The following PDE4D variants were observed in gnomAD, a reference collection of about 807,000 sequenced individuals.
PDE4D encodes 3',5'-cyclic-AMP phosphodiesterase 4D.
PDE4D carries 24 observed loss-of-function variants against 87.4 expected under a neutral mutation model. The observed-to-expected ratio is 0.27, with a 90% CI of 0.20 to 0.39. The LOEUF (loss-of-function observed/expected upper bound fraction) is 0.39, where lower values mean the gene tolerates loss of function less well. Ranked by LOEUF, PDE4D falls within the 10% of genes least tolerant of loss-of-function variation. PDE4D has a pLI of 1.00. For synonymous variants in PDE4D, 384 were observed against 383.2 expected, an observed-to-expected ratio of 1.00 and a Z score of -0.02; for missense variants, 714 against 1,041.0, an observed-to-expected ratio of 0.69 and a Z score of 4.32.
intron 1 of PDE4D, among the ~76,000 whole-genome samples, chr5:59,370,190 C>T (rs571909810): frequency 2.0e-5 from 3 of 152,286 alleles, no homozygotes; most frequent in African/African-American, 7.2e-5. Flanking sequence ...CTTGCTCCTA[C>T]TCTATTCTTC....
chr5:60,202,117 T>C (rs1741986345), intron 1 of PDE4D, among the ~76,000 whole-genome samples: 1 of 152,230 alleles, frequency 6.6e-6, no homozygotes, highest in Non-Finnish European at 1.5e-5. Flanking sequence ...GCACTATATA[T>C]GCCAGATGCT....
intron 1 of PDE4D, among the ~76,000 whole-genome samples, chr5:60,353,878 C>G (rs1460101994): frequency 6.6e-6 from 1 of 152,160 alleles, no homozygotes; most frequent in Non-Finnish European, 1.5e-5. Context: ...CAATTTCCAT[C>G]TCCTAGAGCA....
chr5:60,374,880 T>C (rs903303499), intron 1 of PDE4D, among the ~76,000 whole-genome samples: 2 of 152,198 alleles, frequency 1.3e-5, no homozygotes, highest in Middle Eastern at 3.2e-3. Context: ...TATACATATA[T>C]ATGTATACGT....
chr5:59,678,720 C>A (rs1748523572), intron 1 of PDE4D, among the ~76,000 whole-genome samples: 1 of 152,166 alleles, frequency 6.6e-6, no homozygotes, highest in Non-Finnish European at 1.5e-5. Context: ...CTTGGCCTCC[C>A]AAAGTGCTGG....
chr5:59,940,438 T>A (rs1440725075), intron 3 of PDE4D, among the ~76,000 whole-genome samples: 1 of 152,098 alleles, frequency 6.6e-6, no homozygotes, highest in African/African-American at 2.4e-5. Context: ...ACTACAGTAC[T>A]GGTGGTGGAG....
At chr5:59,753,424 A>AG (rs1165038078) in intron 1 of PDE4D, among the ~76,000 whole-genome samples, 2 of 152,164 alleles carry the variant, frequency 1.3e-5, no homozygotes, top group Non-Finnish European at 2.9e-5. Flanking sequence ...AAAATCAAAA[A>AG]GGGGGGCACA....
At chr5:59,093,562 G>A (rs566342948) in intron 5 of PDE4D, among the ~76,000 whole-genome samples, 2 of 152,272 alleles carry the variant, frequency 1.3e-5, no homozygotes, top group African/African-American at 4.8e-5. Context: ...ATGACCTTGG[G>A]GAAACATTTC....
intron 1 of PDE4D, among the ~76,000 whole-genome samples, chr5:59,535,320 C>T (rs1814998743): frequency 6.6e-6 from 1 of 152,064 alleles, no homozygotes; most frequent in African/African-American, 2.4e-5. Flanking sequence ...GGGTGTCTGG[C>T]CCAGGCATCA....
intron 1 of PDE4D, among the ~76,000 whole-genome samples, chr5:59,837,175 T>C (rs1168843235): frequency 2.0e-5 from 3 of 152,206 alleles, no homozygotes; most frequent in South Asian, 2.1e-4. Flanking sequence ...ATGTGTAAAC[T>C]GTCTATTCAG....
At chr5:60,060,302 C>T (rs1370859782) in intron 2 of PDE4D, among the ~76,000 whole-genome samples, 1 of 152,048 alleles carries the variant, frequency 6.6e-6, no homozygotes, top group African/African-American at 2.4e-5. Context: ...GATTTATCCT[C>T]TTCCATCTAT....
At chr5:59,333,470 T>C (rs1235143651) in intron 1 of PDE4D, among the ~76,000 whole-genome samples, 1 of 152,178 alleles carries the variant, frequency 6.6e-6, no homozygotes, top group Non-Finnish European at 1.5e-5. Context: ...TGGCATAGCA[T>C]GTCAAGGTCC....
At chr5:58,993,299 C>T in intron 7 of PDE4D, 73 bp downstream of exon 7, 2 of 817,870 alleles carry the variant, frequency 2.4e-6, no homozygotes, top group Non-Finnish European at 3.9e-6. Flanking sequence ...TGAGTTGGCA[C>T]CCCAATCCTC....
chr5:60,193,058 G>A (rs1011180509), intron 1 of PDE4D, among the ~76,000 whole-genome samples: 2 of 152,042 alleles, frequency 1.3e-5, no homozygotes, highest in African/African-American at 4.8e-5. Flanking sequence ...CTAAAATTAA[G>A]TTCTCTCTTC....
chr5:60,005,607 A>G (rs182116698), intron 2 of PDE4D, among the ~76,000 whole-genome samples: 4 of 152,148 alleles, frequency 2.6e-5, no homozygotes, highest in African/African-American at 9.6e-5. Flanking sequence ...GTCTACCTCA[A>G]ATATATACAA....
intron 3 of PDE4D, among the ~76,000 whole-genome samples, chr5:59,946,392 A>C (rs1757726857): frequency 6.6e-6 from 1 of 152,210 alleles, no homozygotes; most frequent in Non-Finnish European, 1.5e-5. Context: ...GTCGGGAATT[A>C]GTTTGTCTTC....
intron 1 of PDE4D, among the ~76,000 whole-genome samples, chr5:60,446,193 A>C (rs1388681597): frequency 6.6e-6 from 1 of 152,166 alleles, no homozygotes; most frequent in African/African-American, 2.4e-5. Context: ...TGGTAGGAGA[A>C]TAAACTGAAG....
At chr5:60,357,991 T>C (rs1759758319) in intron 1 of PDE4D, among the ~76,000 whole-genome samples, 1 of 152,194 alleles carries the variant, frequency 6.6e-6, no homozygotes, top group South Asian at 2.1e-4. Flanking sequence ...TAATCTTCAC[T>C]ACAACCCTAT....
intron 6 of PDE4D, among the ~76,000 whole-genome samples, chr5:58,995,952 G>A (rs547818588): frequency 4.4e-4 from 67 of 152,260 alleles, no homozygotes; most frequent in African/African-American, 1.4e-3. Flanking sequence ...GGAATACTAC[G>A]TAGCCATAAA....
intron 1 of PDE4D, among the ~76,000 whole-genome samples, chr5:59,547,813 A>G (rs1286859006): frequency 1.3e-5 from 2 of 152,136 alleles, no homozygotes; most frequent in Non-Finnish European, 2.9e-5. Flanking sequence ...TACTGATGGA[A>G]CTGACCTCCA....
Sources: gnomAD v4.1 joint callset for allele counts (sites outside exome capture counted in the v4.1 genomes callset) on GRCh38, gnomAD v4.1.1 for gene constraint, MANE v1.5 for transcripts, NCBI Gene and HGNC (gene_info 2026-07-23, HGNC 2026-07-21) for gene names.